Variants in GLRA3 observed in about 807,000 individuals in gnomAD.
GLRA3 encodes glycine receptor subunit alpha-3.
Under a neutral mutation model 60.4 loss-of-function variants are expected in GLRA3, and 44 were observed. The observed-to-expected ratio is 0.73, with a 90% CI of 0.57 to 0.94. The LOEUF is 0.94. Ranked by LOEUF, GLRA3 falls within the 40% of genes least tolerant of loss-of-function variation. The probability of loss-of-function intolerance (pLI) is 0.00; values close to 1 mark genes in which losing one functional copy is unlikely to be tolerated. For missense variants in GLRA3, 508 were observed against 564.6 expected (o/e 0.90, Z 1.02); for synonymous variants, 223 against 192.9 (o/e 1.16, Z -1.29).
At position 174,782,269 on chromosome 4, in the gene GLRA3, C is replaced by A. The variant is rs373313202; in HGVS notation, c.199+6547G>T. On this transcript the variant is annotated intron_variant, in intron 2 of 9. Coordinates refer to ENST00000274093, the MANE Select transcript of GLRA3 (RefSeq NM_006529.4). ...AAAGCCTTTGACAAAATTCAACAAC[C>A]CTTCATGCTAAAAACTCTCTATAAA... 2.3e-3 allele frequency among the ~76,000 whole-genome samples: 341 copies of A among 151,462 alleles called. 1 individual carries two copies. Among genetic ancestry groups the A allele is most frequent in the Admixed American group, 3.4e-3 (52 of 15,194 alleles).
intron 1 of GLRA3, among the ~76,000 whole-genome samples, chr4:174,826,874 CTT>C (rs11338097): frequency 0.012 from 1,591 of 130,362 alleles, 27 homozygotes; most frequent in African/African-American, 0.039. Context: ...AGGGAGCTTC[CTT>C]TTTTTTTTTT....
intron 5 of GLRA3, among the ~76,000 whole-genome samples, chr4:174,692,947 T>TA (rs70947455): frequency 0.15 from 21,174 of 142,364 alleles, 1,867 homozygotes; most frequent in East Asian, 0.36. Flanking sequence ...AAAAAAAAAA[T>TA]AAAAAAAAAA....
intron 4 of GLRA3, among the ~76,000 whole-genome samples, chr4:174,722,036 C>A (rs953756386): frequency 6.6e-6 from 1 of 152,020 alleles, no homozygotes; most frequent in Non-Finnish European, 1.5e-5. Flanking sequence ...AAGGTATAAT[C>A]TATCTGTATA....
Position 174,767,078 on chromosome 4 carries a change from A to G in GLRA3, c.200-48T>C, listed in dbSNP as rs137980160. 5.5e-4 allele frequency: 513 copies of G among 929,124 alleles called. No individual in the cohort carries two copies. The African/African-American group carries it at 7.3e-3, about 13-fold the overall frequency. The allele number at this position is 929,124 out of a possible 1,614,324, so 57.6% of individuals were successfully genotyped here. ...AGGGCTGTTTAGAGACTTATCTAAA[A>G]CATTTTCAAATAATTCCTTGCATTC... is the stretch of plus-strand genomic sequence containing the variant. On this transcript the variant is annotated intron_variant, in intron 2 of 9. Coordinates refer to ENST00000274093, the MANE Select transcript of GLRA3 (RefSeq NM_006529.4).
chr4:174,731,267 A>T (rs1165231729), intron 3 of GLRA3, among the ~76,000 whole-genome samples: 1 of 152,204 alleles, frequency 6.6e-6, no homozygotes, highest in Admixed American at 6.5e-5. Flanking sequence ...ACAGTATCCC[A>T]TTATACCCAG....
In GLRA3 at chr4:174,676,947, T is replaced by C. The variant is rs1306561021; in HGVS notation, c.927+131A>G. ...TTTTACATGTTTTCTGCTTTGGTTA[T>C]ATATTACTTTAAAAACCAGTAATGC... On this transcript the variant is annotated intron_variant, in intron 7 of 9. Coordinates refer to ENST00000274093, the MANE Select transcript of GLRA3 (RefSeq NM_006529.4). 13 of 617,294 alleles carry C rather than the reference T, an allele frequency of 2.1e-5. 1 individual carries two copies. The South Asian group carries it at 2.3e-4, about 11-fold the overall frequency. 38.2% of individuals were successfully genotyped at this position (617,294 alleles called of 1,614,324 possible).
At chr4:174,715,621 T>C (rs1004386684) in intron 4 of GLRA3, 51 bp from the exon 5 acceptor site, 2 of 834,956 alleles carry the variant, frequency 2.4e-6, no homozygotes, top group Non-Finnish European at 2.0e-6. Context: ...ATTATATTAA[T>C]ATTCTATTGT....
intron 2 of GLRA3, among the ~76,000 whole-genome samples, chr4:174,769,626 A>G (rs34930088): frequency 0.18 from 27,875 of 152,084 alleles, 3,011 homozygotes; most frequent in Admixed American, 0.25. Flanking sequence ...CAATCGTTCT[A>G]TGACCTCCCA....
At chr4:174,745,747 G>C (rs1032723044) in intron 3 of GLRA3, among the ~76,000 whole-genome samples, 12 of 151,462 alleles carry the variant, frequency 7.9e-5, no homozygotes, top group Non-Finnish European at 1.2e-4. Flanking sequence ...TCTGACAGGT[G>C]ACTAATATTT....
chr4:174,706,656 C>G (rs1282763169), intron 5 of GLRA3, among the ~76,000 whole-genome samples: 2 of 152,072 alleles, frequency 1.3e-5, no homozygotes, highest in South Asian at 2.1e-4. Context: ...TTGAGCAGGA[C>G]AAGAGAAAGA....
At chr4:174,824,554 A>G (rs1285010204) in intron 1 of GLRA3, among the ~76,000 whole-genome samples, 1 of 152,192 alleles carries the variant, frequency 6.6e-6, no homozygotes, top group Non-Finnish European at 1.5e-5. Flanking sequence ...AACTAGCTCA[A>G]TAGTTGTTGT....
At chr4:174,728,425 A>G in intron 4 of GLRA3, 50 bp downstream of exon 4, 2 of 1,010,788 alleles carry the variant, frequency 2.0e-6, no homozygotes, top group Non-Finnish European at 1.5e-6. Context: ...CCAACAATAC[A>G]CCATGATATT....
At chr4:174,782,282 A>C (rs1005888832) in intron 2 of GLRA3, among the ~76,000 whole-genome samples, 4 of 151,680 alleles carry the variant, frequency 2.6e-5, no homozygotes, top group African/African-American at 9.7e-5. Context: ...TCATGCTAAA[A>C]ACTCTCTATA....
At chr4:174,790,608 T>G (rs1201936991) in intron 1 of GLRA3, among the ~76,000 whole-genome samples, 1 of 151,760 alleles carries the variant, frequency 6.6e-6, no homozygotes, top group Non-Finnish European at 1.5e-5. Context: ...GAAAATAAAC[T>G]TCTACCTCCT....
In GLRA3 at chr4:174,819,116, A is replaced by G. The variant is rs115448812; in HGVS notation, c.71+9625T>C. 2.9e-3 allele frequency among the ~76,000 whole-genome samples: 443 copies of G among 152,300 alleles called. 1 individual carries two copies. Among genetic ancestry groups the G allele is most frequent in the African/African-American group, 9.7e-3 (405 of 41,570 alleles). ...TTAAGTTTCCCTTTAAACTTCTGATAAGTAGAACAAACTGATTTTAAATGA... is the reference window on the plus strand; with the variant it reads ...TTAAGTTTCCCTTTAAACTTCTGATGAGTAGAACAAACTGATTTTAAATGA... On this transcript the variant is annotated intron_variant, in intron 1 of 9. Coordinates refer to ENST00000274093, the MANE Select transcript of GLRA3 (RefSeq NM_006529.4).
At chr4:174,806,719 ATTTGAACATCAGTGAAT>A (rs995132091) in intron 1 of GLRA3, among the ~76,000 whole-genome samples, 6 of 152,052 alleles carry the variant, frequency 3.9e-5, no homozygotes, top group Admixed American at 1.3e-4. Context: ...TATATAAGGG[ATTTGAACATCAGTGAAT>A]TTTGGTATCC....
intron 1 of GLRA3, among the ~76,000 whole-genome samples, chr4:174,798,836 C>G (rs890629363): frequency 3.3e-5 from 5 of 151,968 alleles, no homozygotes; most frequent in East Asian, 1.9e-4. Flanking sequence ...AGGCAGAATG[C>G]CGTGAACCCG....
At chr4:174,769,019 G>C (rs1738271674) in intron 2 of GLRA3, among the ~76,000 whole-genome samples, 1 of 151,902 alleles carries the variant, frequency 6.6e-6, no homozygotes, top group African/African-American at 2.4e-5. Flanking sequence ...CGTAATTTTT[G>C]AGTAAATTGA....
At chr4:174,746,973 C>T (rs1284596808) in intron 3 of GLRA3, among the ~76,000 whole-genome samples, 1 of 152,152 alleles carries the variant, frequency 6.6e-6, no homozygotes, top group Non-Finnish European at 1.5e-5. Flanking sequence ...TTGACATGTA[C>T]TCACAGGAAG....
Sources: gnomAD v4.1 joint callset for allele counts (sites outside exome capture counted in the v4.1 genomes callset) on GRCh38, gnomAD v4.1.1 for gene constraint, MANE v1.5 for transcripts, NCBI Gene and HGNC (gene_info 2026-07-23, HGNC 2026-07-21) for gene names.